Variants in HMCN2 observed in about 807,000 individuals in gnomAD.
HMCN2 encodes hemicentin 2, also known as hemicentin-2.
Under a neutral mutation model 377.5 loss-of-function variants are expected in HMCN2, and 325 were observed. The observed-to-expected ratio is 0.86, with a 90% confidence interval of 0.79 to 0.94. HMCN2 has a LOEUF of 0.94. HMCN2 is among the 40% of genes least tolerant of loss of function. The probability of loss-of-function intolerance (pLI) is 0.00; values close to 1 mark genes in which losing one functional copy is unlikely to be tolerated. For missense variants in HMCN2, 4,543 were observed against 4,725.3 expected, an observed-to-expected ratio of 0.96 and a Z score of 1.13; for synonymous variants, 2,007 against 2,046.8, an observed-to-expected ratio of 0.98 and a Z score of 0.53.
At position 130,401,079 on chromosome 9, in the gene HMCN2, C is replaced by T. The variant is rs374368217; in HGVS notation, c.11770+132C>T. On this transcript the variant is annotated intron_variant, in intron 77 of 97. Transcript: ENST00000683500. ...GCACTGCCTCTCCTGGCTGTGTGACCTGGGAGGACCCTCTCGCCCTCTCTG... is the reference window on the plus strand; with the variant it reads ...GCACTGCCTCTCCTGGCTGTGTGACTTGGGAGGACCCTCTCGCCCTCTCTG... 7.4e-5 allele frequency: 56 copies of T among 759,456 alleles called. No individual in the cohort carries two copies. In the East Asian group the frequency reaches 2.4e-3, roughly 32 times the overall value. The allele number at this position is 759,456 out of a possible 1,614,324, so 47.0% of individuals were successfully genotyped here. A position where few individuals can be genotyped will look rare whatever the true frequency, so the allele number is the denominator to read the frequency against.
intron 52 of HMCN2, among the ~76,000 whole-genome samples, chr9:130,377,414 A>G (rs980672274): frequency 6.6e-6 from 1 of 152,170 alleles, no homozygotes; most frequent in Non-Finnish European, 1.5e-5. Flanking sequence ...GCCCAGCCAT[A>G]TTTTTAATAA....
At chr9:130,432,382 T>C in intron 96 of HMCN2, 47 bp from the exon 97 acceptor site, 1 of 1,547,646 alleles carries the variant, frequency 6.5e-7, no homozygotes, top group South Asian at 1.2e-5. Flanking sequence ...TCTCCTTTGC[T>C]CCATCTTTTC....
Position 130,352,968 on chromosome 9 carries a change from G to T in HMCN2, c.4627G>T (p.Ala1543Ser), listed in dbSNP as rs1351657140. 1.5e-6 allele frequency: 2 copies of T among 1,301,718 alleles called. No individual in the cohort carries two copies. Among genetic ancestry groups the T allele is most frequent in the Non-Finnish European group, 2.0e-6 (2 of 987,562 alleles). The allele number at this position is 1,301,718 out of a possible 1,614,324, so 80.6% of individuals were successfully genotyped here. Reference sequence around the variant, plus strand: ...GGGCTCCAACGAGACAGGCGAGGTGGCCGTCATGGAGGACCACCTAGTGCA... The same window carrying T: ...GGGCTCCAACGAGACAGGCGAGGTGTCCGTCATGGAGGACCACCTAGTGCA... ...IWGSNETGEV[A>S]VMEDHLVQLL... The change falls in exon 31 of 98, where the codon GCC becomes TCC. Residue 1543 changes from alanine to serine, a missense_variant. By Grantham distance (99) the Ala-to-Ser change is moderately conservative. Around this residue, in one of 5 missense-constraint regions of HMCN2, gnomAD observed 1,032 missense variants for 1,285.1 expected, o/e 0.80. Coordinates refer to ENST00000683500, the MANE Select transcript of HMCN2 (RefSeq NM_001291815.2).
intron 97 of HMCN2, 91 bp from the exon 98 acceptor site, chr9:130,433,257 G>A (rs893406594): frequency 7.5e-5 from 78 of 1,041,052 alleles, no homozygotes; most frequent in African/African-American, 5.9e-4. Context: ...CGGAACTGCA[G>A]GGGCTGGCAG....
intron 73 of HMCN2, 43 bp downstream of exon 73, chr9:130,396,356 CCA>C: frequency 2.4e-6 from 3 of 1,239,326 alleles, no homozygotes; most frequent in Non-Finnish European, 3.1e-6. Context: ...CTCTCAGGTG[CCA>C]CTTTGTGGGT....
chr9:130,358,756 C>T (rs999113018), intron 36 of HMCN2, among the ~76,000 whole-genome samples: 3 of 152,020 alleles, frequency 2.0e-5, no homozygotes, highest in African/African-American at 7.3e-5. Context: ...TCACCGCAAG[C>T]TCCGCCTGCC....
At chr9:130,315,622 G>A (rs1837527200) in intron 15 of HMCN2, among the ~76,000 whole-genome samples, 1 of 151,358 alleles carries the variant, frequency 6.6e-6, no homozygotes, top group Admixed American at 6.6e-5. Context: ...TCGGGAGCCA[G>A]GGACAGTATC....
chr9:130,371,827 G>A (rs1231275514), intron 46 of HMCN2, among the ~76,000 whole-genome samples: 2 of 152,244 alleles, frequency 1.3e-5, no homozygotes, highest in Non-Finnish European at 2.9e-5. Flanking sequence ...AGTAACAGCA[G>A]TGGTGTCCTG....
chr9:130,413,207 A>G (rs1434550399), intron 85 of HMCN2, among the ~76,000 whole-genome samples: 1 of 152,230 alleles, frequency 6.6e-6, no homozygotes, highest in East Asian at 1.9e-4. Flanking sequence ...GAATAGGGAC[A>G]GTTTGACTAT....
At position 130,383,569 on chromosome 9, in the gene HMCN2, C is replaced by T. The variant is rs577537810; in HGVS notation, c.8799C>T (p.Ser2933=). The part of the protein sequence containing the change: ...YMCVAENQAG[S]AEKLFTLRVQ... ...GTGTGGCCGAGAACCAGGCGGGCTC[C>T]GCTGAGAAGCTCTTCACCCTCAGGG... is the stretch of plus-strand genomic sequence containing the variant. The change falls in exon 57 of 98, where the codon TCC becomes TCT. Residue 2933 remains serine (S), a synonymous_variant. Coordinates refer to ENST00000683500, the MANE Select transcript of HMCN2 (RefSeq NM_001291815.2). 40 of 986,008 alleles carry T rather than the reference C, an allele frequency of 4.1e-5. No homozygotes were observed. The highest frequency in any genetic ancestry group is 3.4e-4 in the East Asian group (3 of 8,806). 61.1% of individuals were successfully genotyped at this position (986,008 alleles called of 1,614,324 possible).
chr9:130,316,233 T>C (rs1837553502), intron 15 of HMCN2, among the ~76,000 whole-genome samples: 1 of 152,142 alleles, frequency 6.6e-6, no homozygotes, highest in African/African-American at 2.4e-5. Flanking sequence ...CGTCAGGGAC[T>C]GTACCCTGCG....
chr9:130,367,962 AAG>A (rs1217684122), intron 43 of HMCN2, among the ~76,000 whole-genome samples: 1 of 148,512 alleles, frequency 6.7e-6, no homozygotes, highest in Non-Finnish European at 1.5e-5. Context: ...AAAAAAAAAA[AAG>A]GGATCCCAGA....
In HMCN2 at chr9:130,394,918, C is replaced by T. The variant is rs1008954614; in HGVS notation, c.10693-109C>T. ...TGGCTGGGAGGTGGATGGCAGACCT[C>T]GCAGGGCTGAGTTTGAATCCTGGGT... is the stretch of plus-strand genomic sequence containing the variant. On this transcript the variant is annotated intron_variant, in intron 69 of 97. Transcript: ENST00000683500. The surrounding 1 kb of genome is among the most constrained non-coding windows in gnomAD (Gnocchi z 5.1). 5 of 672,848 alleles carry T rather than the reference C, an allele frequency of 7.4e-6. No homozygotes were observed. The highest frequency in any genetic ancestry group is 1.9e-5 in the African/African-American group (1 of 53,158). 41.7% of individuals were successfully genotyped at this position (672,848 alleles called of 1,614,324 possible).
At chr9:130,429,494 G>A (rs572935081) in intron 93 of HMCN2, 63 bp from the exon 94 acceptor site, 34 of 1,543,042 alleles carry the variant, frequency 2.2e-5, no homozygotes, top group Admixed American at 1.6e-4. Flanking sequence ...GGGATGGTCC[G>A]TCCCTTGGGG....
intron 95 of HMCN2, 110 bp downstream of exon 95, chr9:130,430,714 G>T (rs1844692843): frequency 1.9e-6 from 2 of 1,051,870 alleles, no homozygotes; most frequent in East Asian, 5.2e-5. Context: ...GACCTTCCAG[G>T]CAAGTGGGGT....
chr9:130,310,663 G>A (rs954083014), intron 15 of HMCN2, among the ~76,000 whole-genome samples: 2 of 151,706 alleles, frequency 1.3e-5, no homozygotes, highest in Non-Finnish European at 2.9e-5. Flanking sequence ...GGCTACCCAT[G>A]GGTGTGAACA....
Position 130,361,422 on chromosome 9 carries a change from A to G in HMCN2, c.5951-586A>G, listed in dbSNP as rs1840379682. The stretch of plus-strand genomic sequence containing the variant: ...CTGAAAGGAGGCCACGGGGCCTGGG[A>G]TTTACAACACTGAGAAGAGGGCCAG... On this transcript the variant is annotated intron_variant, in intron 38 of 97. Coordinates refer to ENST00000683500, the MANE Select transcript of HMCN2 (RefSeq NM_001291815.2). This position sits in a 1 kb window ranked among gnomAD's most constrained non-coding sequence, Gnocchi z 4.8. Among the ~76,000 whole-genome samples the G allele has an allele frequency of 6.6e-6, 1 of 152,178 alleles. No homozygotes were observed. The highest frequency in any genetic ancestry group is 1.5e-5 in the Non-Finnish European group (1 of 68,034).
At chr9:130,378,820 C>A (rs1050056524) in intron 53 of HMCN2, among the ~76,000 whole-genome samples, 1 of 152,068 alleles carries the variant, frequency 6.6e-6, no homozygotes, top group Non-Finnish European at 1.5e-5. Flanking sequence ...GGGGATGACA[C>A]GGCCCCCTCC....
At position 130,375,733 on chromosome 9, in the gene HMCN2, C is replaced by T. The variant is rs975809223; in HGVS notation, c.7801C>T (p.Pro2601Ser). 5.1e-6 allele frequency: 5 copies of T among 985,776 alleles called. No homozygotes were observed. Among genetic ancestry groups the T allele is most frequent in the Non-Finnish European group, 6.0e-6 (5 of 829,984 alleles). 61.1% of individuals were successfully genotyped at this position (985,776 alleles called of 1,614,324 possible). ...FEASRNIQLLPGTHGLQILNA... is the reference protein window; with the variant it reads ...FEASRNIQLLSGTHGLQILNA... Reference sequence around the variant, plus strand: ...GGCCTCCAGGAACATCCAGCTGCTCCCAGGTGACGCCCTCTGGGGGGAAAG... The same window carrying T: ...GGCCTCCAGGAACATCCAGCTGCTCTCAGGTGACGCCCTCTGGGGGGAAAG... Residue 2601 changes from proline to serine, a missense_variant, in exon 50 of 98, where the codon CCA becomes TCA. This residue lies in a region of HMCN2 where 736 missense variants were observed against 773.2 expected (regional missense o/e 0.95). Coordinates refer to ENST00000683500, the MANE Select transcript of HMCN2 (RefSeq NM_001291815.2).
Sources: gnomAD v4.1 joint callset for allele counts (sites outside exome capture counted in the v4.1 genomes callset) on GRCh38, gnomAD v4.1.1 for gene constraint, gnomAD v4.1.1 regional missense constraint, Gnocchi (gnomAD v3.1) non-coding constraint, MANE v1.5 for transcripts, NCBI Gene and HGNC (gene_info 2026-07-23, HGNC 2026-07-21) for gene names.